TRAM2: variants seen among roughly 807,000 people sequenced by gnomAD.
TRAM2 encodes translocation associated membrane protein 2.
TRAM2 carries 12 observed loss-of-function variants against 51.0 expected under a neutral mutation model. That is an observed-to-expected ratio of 0.24 (90% confidence interval 0.15 to 0.38). The LOEUF is 0.38. Among genes scored for constraint, TRAM2 ranks in the 10% least tolerant of loss-of-function variants. The probability of loss-of-function intolerance (pLI) is 1.00; values close to 1 mark genes in which losing one functional copy is unlikely to be tolerated. For synonymous variants in TRAM2, 175 were observed against 179.4 expected (o/e 0.98, Z 0.20); for missense variants, 361 against 462.0 (o/e 0.78, Z 2.00).
At position 52,516,088 on chromosome 6, in the gene TRAM2, T is replaced by C; in HGVS notation, c.329A>G (p.Lys110Arg). ...ISKRLHLSKV[K>R]HSKFNESGQL... ...TCCAGATTCATTGAACTTGCTGTGT[T>C]TGACTTTGGAGAGATGAAGCCGTTT... Residue 110 changes from lysine to arginine, a missense_variant, in exon 4 of 11, where the codon AAA becomes AGA. Physicochemically the swap from Lys to Arg is conservative, Grantham distance 26 (BLOSUM62 2). Transcript: ENST00000182527. 1 of 1,614,228 alleles carries C rather than the reference T, an allele frequency of 6.2e-7. No individual in the cohort carries two copies. The highest frequency in any genetic ancestry group is 1.1e-5 in the South Asian group (1 of 91,074).
At chr6:52,530,348 A>C (rs893439672) in intron 2 of TRAM2, among the ~76,000 whole-genome samples, 6 of 152,324 alleles carry the variant, frequency 3.9e-5, no homozygotes, top group East Asian at 1.9e-4. Context: ...AATGAAGCTT[A>C]ATCTTTTTAA....
chr6:52,544,588 C>T (rs1230227436), intron 1 of TRAM2, among the ~76,000 whole-genome samples: 1 of 152,260 alleles, frequency 6.6e-6, no homozygotes, highest in Non-Finnish European at 1.5e-5. Flanking sequence ...TTGAGTCCAT[C>T]TTGCTCGAGT....
chr6:52,528,091 C>T (rs1169799421), intron 2 of TRAM2, among the ~76,000 whole-genome samples: 1 of 152,192 alleles, frequency 6.6e-6, no homozygotes, highest in Non-Finnish European at 1.5e-5. Context: ...CTGGTTGGGA[C>T]TGCCTATGCC....
chr6:52,545,077 T>C (rs954909386), intron 1 of TRAM2, among the ~76,000 whole-genome samples: 1 of 152,068 alleles, frequency 6.6e-6, no homozygotes, highest in African/African-American at 2.4e-5. Flanking sequence ...GACTTGGGGA[T>C]TTTTTCTCAG....
intron 1 of TRAM2, among the ~76,000 whole-genome samples, chr6:52,539,403 C>G (rs993534074): frequency 6.6e-6 from 1 of 152,068 alleles, no homozygotes; most frequent in African/African-American, 2.4e-5. Flanking sequence ...TAAATCTCAG[C>G]AAGTAAGCGA....
intron 1 of TRAM2, among the ~76,000 whole-genome samples, chr6:52,540,921 AAG>A (rs925438306): frequency 2.0e-5 from 3 of 152,234 alleles, no homozygotes; most frequent in African/African-American, 7.2e-5. Context: ...CACAGAGAGA[AAG>A]AGAGAGTGAG....
chr6:52,505,631 G>T lies in TRAM2; in HGVS notation c.843C>A (p.Pro281=). ...ACAAAGTGTTGAAGTTCCCTTTCTC[G>T]GGATCAAATGCCTGGTTTTCCATGC... ...LARMENQAFD[P]EKGNFNTLFC... Residue 281 remains proline, a synonymous_variant, in exon 9 of 11, where the codon CCC becomes CCA. Coordinates refer to ENST00000182527, the MANE Select transcript of TRAM2 (RefSeq NM_012288.4). The T allele has an allele frequency of 6.2e-7, 1 of 1,613,056 alleles. No individual in the cohort carries two copies. The highest frequency in any genetic ancestry group is 8.5e-7 in the Non-Finnish European group (1 of 1,179,266).
rs1221744657 is a variant in TRAM2 at position 52,498,987 on chromosome 6, T to C, written c.*4210A>G. 6.6e-6 allele frequency: 1 copy of C among 152,472 alleles called. No individual in the cohort carries two copies. The highest frequency in any genetic ancestry group is 1.5e-5 in the Non-Finnish European group (1 of 68,044). The allele number at this position is 152,472 out of a possible 1,614,324, so 9.4% of individuals were successfully genotyped here. ...TGGAGACTGCAAATCCCAATGCTCG[T>C]CTTTATAGCTCTGCCACTCCAGGGA... is the stretch of plus-strand genomic sequence containing the variant. On this transcript the variant is annotated 3_prime_UTR_variant, in exon 11 of 11. Coordinates refer to ENST00000182527, the MANE Select transcript of TRAM2 (RefSeq NM_012288.4).
Position 52,516,746 on chromosome 6 carries a change from G to T in TRAM2, c.185-9C>A. 6.2e-7 allele frequency: 1 copy of T among 1,603,108 alleles called. No individual in the cohort carries two copies. The highest frequency in any genetic ancestry group is 8.5e-7 in the Non-Finnish European group (1 of 1,170,020). On this transcript the variant is annotated splice_polypyrimidine_tract_variant and intron_variant, in intron 2 of 10. Transcript: ENST00000182527. ...GTGCACGGTCTCACTGTCTGTGGAG[G>T]TAATAAAAGTCCCATCAGCATCCCT...
At chr6:52,559,198 G>A (rs1367301258) in intron 1 of TRAM2, among the ~76,000 whole-genome samples, 1 of 152,196 alleles carries the variant, frequency 6.6e-6, no homozygotes, top group Non-Finnish European at 1.5e-5. Context: ...AGAACCCCCA[G>A]CCCCCACTGT....
intron 1 of TRAM2, among the ~76,000 whole-genome samples, chr6:52,555,426 T>C (rs1255365835): frequency 1.3e-5 from 2 of 152,166 alleles, no homozygotes; most frequent in East Asian, 3.8e-4. Context: ...AATATATATA[T>C]ATGAATAGAC....
rs568158820 is a variant in TRAM2 at position 52,529,092 on chromosome 6, C to T, written c.184+6691G>A. Among the ~76,000 whole-genome samples the T allele has an allele frequency of 4.4e-3, 673 of 152,120 alleles. 3 individuals carry two copies. The highest frequency in any genetic ancestry group is 0.016 in the African/African-American group (649 of 41,488). On this transcript the variant is annotated intron_variant, in intron 2 of 10. Coordinates refer to ENST00000182527, the MANE Select transcript of TRAM2 (RefSeq NM_012288.4). ...ATTTTTAGTAGAGATGGGGTTTCAC[C>T]GTGTTAGCCAGGATGGTCTCGATCT... is the stretch of plus-strand genomic sequence containing the variant.
Position 52,505,752 on chromosome 6 carries a change from G to A in TRAM2, c.732-10C>T. On this transcript the variant is annotated splice_polypyrimidine_tract_variant and intron_variant, in intron 8 of 10. Coordinates refer to ENST00000182527, the MANE Select transcript of TRAM2 (RefSeq NM_012288.4). The stretch of plus-strand genomic sequence containing the variant: ...AGCCCAGGCACTGAACCTGCTCACA[G>A]AGGCAGAAGAGGGATGTCAGTCTTT... 6.3e-7 allele frequency: 1 copy of A among 1,595,310 alleles called. No homozygotes were observed. Among genetic ancestry groups the A allele is most frequent in the Non-Finnish European group, 8.6e-7 (1 of 1,169,410 alleles).
rs1447583419 is a variant in TRAM2, at chr6:52,576,931, G to A, written c.-16C>T. Reference sequence around the variant, plus strand: ...GGAAAGCCATGGCAGCGGGCGCGCAGCGGCCGGCGGGGCCCGCACCCTGCG... The same window carrying A: ...GGAAAGCCATGGCAGCGGGCGCGCAACGGCCGGCGGGGCCCGCACCCTGCG... On this transcript the variant is annotated 5_prime_UTR_variant, in exon 1 of 11. Coordinates refer to ENST00000182527, the MANE Select transcript of TRAM2 (RefSeq NM_012288.4). The A allele has an allele frequency of 5.0e-6, 8 of 1,602,758 alleles. No homozygotes were observed.
chr6:52,556,494 C>G (rs1274345334), intron 1 of TRAM2, among the ~76,000 whole-genome samples: 1 of 151,962 alleles, frequency 6.6e-6, no homozygotes, highest in Non-Finnish European at 1.5e-5. Context: ...GTTGGCCAGC[C>G]TGGTCTCAAA....
chr6:52,504,888 T>G, intron 9 of TRAM2, 134 bp from the exon 10 acceptor site: 1 of 709,694 alleles, frequency 1.4e-6, no homozygotes, highest in Non-Finnish European at 2.3e-6. Flanking sequence ...CCACTGGCCC[T>G]CTTCGATACC....
intron 1 of TRAM2, among the ~76,000 whole-genome samples, chr6:52,566,977 T>C (rs1470450207): frequency 1.3e-5 from 2 of 152,222 alleles, no homozygotes; most frequent in Non-Finnish European, 2.9e-5. Context: ...CCTTATGAGA[T>C]GGTAAATTCC....
chr6:52,561,928 G>C (rs184150308), intron 1 of TRAM2, among the ~76,000 whole-genome samples: 2 of 152,224 alleles, frequency 1.3e-5, no homozygotes, highest in Admixed American at 1.3e-4. Flanking sequence ...TTTTGAAGAT[G>C]ATGGAAATGT....
chr6:52,554,152 C>T (rs1767359364), intron 1 of TRAM2, among the ~76,000 whole-genome samples: 1 of 152,108 alleles, frequency 6.6e-6, no homozygotes, highest in South Asian at 2.1e-4. Flanking sequence ...TGTTACCACC[C>T]AGCCCTGTCC....
Sources: gnomAD v4.1 joint callset for allele counts (sites outside exome capture counted in the v4.1 genomes callset) on GRCh38, gnomAD v4.1.1 for gene constraint, MANE v1.5 for transcripts, NCBI Gene and HGNC (gene_info 2026-07-23, HGNC 2026-07-21) for gene names.